The following FNDC3B variants were observed in gnomAD, a reference collection of about 807,000 sequenced individuals.
FNDC3B encodes the protein fibronectin type III domain containing 3B.
In FNDC3B, 12 loss-of-function variants were observed where a neutral mutation model predicts 151.5. The observed-to-expected ratio is 0.08, with a 90% confidence interval of 0.05 to 0.13. The LOEUF is 0.13. Ranked by LOEUF, FNDC3B falls within the 10% of genes least tolerant of loss-of-function variation. The pLI, the probability that FNDC3B is intolerant of heterozygous loss-of-function variation, is 1.00. For synonymous variants in FNDC3B, 528 were observed against 549.0 expected, an observed-to-expected ratio of 0.96 and a Z score of 0.54; for missense variants, 1,214 against 1,505.3, an observed-to-expected ratio of 0.81 and a Z score of 3.20.
chr3:172,200,657 T>C (rs1407620641), intron 3 of FNDC3B, among the ~76,000 whole-genome samples: 1 of 152,222 alleles, frequency 6.6e-6, no homozygotes, highest in African/African-American at 2.4e-5. Flanking sequence ...AGGTTAGGTG[T>C]ATTAAATGCA....
At chr3:172,167,647 A>G (rs1454056645) in intron 3 of FNDC3B, among the ~76,000 whole-genome samples, 1 of 152,186 alleles carries the variant, frequency 6.6e-6, no homozygotes, top group Non-Finnish European at 1.5e-5. Flanking sequence ...GCCCTGGGCC[A>G]TGGATGGTAC....
At chr3:172,205,143 C>G (rs958114501) in intron 3 of FNDC3B, among the ~76,000 whole-genome samples, 1 of 152,124 alleles carries the variant, frequency 6.6e-6, no homozygotes, top group Non-Finnish European at 1.5e-5. Flanking sequence ...GCATATATAA[C>G]CCATAAAAGT....
At chr3:172,087,506 A>G (rs1219818397) in intron 1 of FNDC3B, among the ~76,000 whole-genome samples, 2 of 152,178 alleles carry the variant, frequency 1.3e-5, no homozygotes, top group Non-Finnish European at 2.9e-5. Context: ...CTTAGGTGGA[A>G]AATATGCTTA....
intron 1 of FNDC3B, among the ~76,000 whole-genome samples, chr3:172,071,516 G>A (rs1033716551): frequency 6.6e-6 from 1 of 152,094 alleles, no homozygotes; most frequent in African/African-American, 2.4e-5. Context: ...TGTGTATATA[G>A]TCCATTAATT....
chr3:172,330,417 C>T (rs1437990449), intron 12 of FNDC3B, 124 bp from the exon 13 acceptor site: 2 of 750,062 alleles, frequency 2.7e-6, no homozygotes, highest in Non-Finnish European at 4.3e-6. Flanking sequence ...AGCATCCTTA[C>T]CTGGCTTTGC....
intron 6 of FNDC3B, among the ~76,000 whole-genome samples, chr3:172,278,575 ATACT>A (rs903240603): frequency 4.6e-5 from 7 of 152,286 alleles, no homozygotes; most frequent in African/African-American, 1.7e-4. Context: ...TATCTACCTA[ATACT>A]TAATCTGTTT....
intron 23 of FNDC3B, among the ~76,000 whole-genome samples, chr3:172,372,037 A>T (rs191562480): frequency 1.2e-4 from 18 of 152,330 alleles, no homozygotes; most frequent in African/African-American, 4.1e-4. Context: ...ATAATGCTAC[A>T]AGGTAGTTAC....
chr3:172,104,556 T>A (rs997830559), intron 1 of FNDC3B, among the ~76,000 whole-genome samples: 1 of 152,180 alleles, frequency 6.6e-6, no homozygotes, highest in South Asian at 2.1e-4. Flanking sequence ...ACAGGAGCGA[T>A]TAGCTCAAGG....
chr3:172,064,354 G>T (rs1717383545), intron 1 of FNDC3B, among the ~76,000 whole-genome samples: 1 of 152,032 alleles, frequency 6.6e-6, no homozygotes, highest in South Asian at 2.1e-4. Flanking sequence ...AAGGTATTTT[G>T]TTAAAGCAGA....
At chr3:172,318,733 C>T (rs1338844650) in intron 11 of FNDC3B, among the ~76,000 whole-genome samples, 1 of 152,126 alleles carries the variant, frequency 6.6e-6, no homozygotes, top group Non-Finnish European at 1.5e-5. Flanking sequence ...ATTCCCCTGC[C>T]CAGGCCCACA....
intron 6 of FNDC3B, among the ~76,000 whole-genome samples, chr3:172,274,858 C>T (rs1402732977): frequency 6.6e-6 from 1 of 152,156 alleles, no homozygotes; most frequent in Admixed American, 6.5e-5. Flanking sequence ...GGACACCTGT[C>T]ATATTAAATT....
intron 11 of FNDC3B, among the ~76,000 whole-genome samples, chr3:172,320,930 G>A: frequency 6.6e-6 from 1 of 152,212 alleles, no homozygotes; most frequent in East Asian, 1.9e-4. Flanking sequence ...GTTGTTTTCA[G>A]TCTTTCAACT....
intron 1 of FNDC3B, 30 bp from the exon 2 acceptor site, chr3:172,112,422 C>G: frequency 8.3e-7 from 1 of 1,200,986 alleles, no homozygotes; most frequent in Non-Finnish European, 1.2e-6. Flanking sequence ...GGTTCTGAGT[C>G]CTTTTTAAAA....
chr3:172,281,705 C>T (rs1196121679), intron 6 of FNDC3B, among the ~76,000 whole-genome samples: 2 of 152,292 alleles, frequency 1.3e-5, no homozygotes, highest in East Asian at 3.9e-4. Flanking sequence ...GGGGCAATCT[C>T]TTGTTTAGTT....
chr3:172,214,816 G>A (rs6780871), intron 3 of FNDC3B, among the ~76,000 whole-genome samples: 135,782 of 152,290 alleles, frequency 0.89, 60,823 homozygotes, highest in African/African-American at 0.95. Context: ...TGCCCTTACA[G>A]TGTTGTCAAA....
intron 3 of FNDC3B, among the ~76,000 whole-genome samples, chr3:172,169,868 AC>A (rs532660337): frequency 6.6e-5 from 10 of 152,332 alleles, no homozygotes; most frequent in African/African-American, 1.9e-4. Context: ...TATGCTTGCC[AC>A]AAAGAAGGAA....
chr3:172,054,809 C>G (rs1443141435), intron 1 of FNDC3B, among the ~76,000 whole-genome samples: 1 of 152,118 alleles, frequency 6.6e-6, no homozygotes, highest in Non-Finnish European at 1.5e-5. Context: ...GCTGGGGAAG[C>G]CTTTGCCTCC....
intron 3 of FNDC3B, among the ~76,000 whole-genome samples, chr3:172,212,348 G>T (rs1725772453): frequency 6.6e-6 from 1 of 152,168 alleles, no homozygotes; most frequent in African/African-American, 2.4e-5. Flanking sequence ...CAAGGATCTT[G>T]AATGAGCCTG....
intron 23 of FNDC3B, among the ~76,000 whole-genome samples, chr3:172,372,606 G>C (rs902473907): frequency 6.6e-6 from 1 of 152,192 alleles, no homozygotes; most frequent in Non-Finnish European, 1.5e-5. Flanking sequence ...TCTGGCATAG[G>C]CTGTAACAGA....
Sources: gnomAD v4.1 joint callset for allele counts (sites outside exome capture counted in the v4.1 genomes callset) on GRCh38, gnomAD v4.1.1 for gene constraint, MANE v1.5 for transcripts, NCBI Gene and HGNC (gene_info 2026-07-23, HGNC 2026-07-21) for gene names.